Variants in INPP5B observed in about 807,000 individuals in gnomAD.
INPP5B encodes the protein inositol polyphosphate-5-phosphatase B.
In INPP5B, 90 loss-of-function variants were observed where a neutral mutation model predicts 118.5. That is an observed-to-expected ratio of 0.76 (90% CI 0.64 to 0.90). The LOEUF (loss-of-function observed/expected upper bound fraction) is 0.90, where lower values mean the gene tolerates loss of function less well. Ranked by LOEUF, INPP5B falls within the 40% of genes least tolerant of loss-of-function variation. The pLI, the probability that INPP5B is intolerant of heterozygous loss-of-function variation, is 0.00. For synonymous variants in INPP5B, 385 were observed against 418.9 expected, an observed-to-expected ratio of 0.92 and a Z score of 0.99; for missense variants, 984 against 1,125.6, an observed-to-expected ratio of 0.87 and a Z score of 1.80.
intron 7 of INPP5B, among the ~76,000 whole-genome samples, chr1:37,927,863 A>T (rs1221456043): frequency 1.3e-5 from 2 of 152,052 alleles, no homozygotes; most frequent in African/African-American, 4.8e-5. Context: ...ATCTCTACCA[A>T]GCTCAGCCTA....
In INPP5B at chr1:37,887,427, A is replaced by C. The variant is rs1452328369; in HGVS notation, c.938T>G (p.Phe313Cys). Residue 313 changes from phenylalanine (F) to cysteine (C), a missense_variant, in exon 11 of 24, where the codon TTT becomes TGT. Phe to Cys is a radical substitution (Grantham distance 205). Around this residue, in one of 2 missense-constraint regions of INPP5B, gnomAD observed 634 missense variants for 791.0 expected, o/e 0.80. Transcript: ENST00000373024. Reference sequence around the variant, plus strand: ...CTCTTCCTCCTTTGGGGTATCGTGAAAGAAAAAAGCTTCCTTACTCAGATC... The same window carrying C: ...CTCTTCCTCCTTTGGGGTATCGTGACAGAAAAAAGCTTCCTTACTCAGATC... ...ELDLSKEAFFFHDTPKEEEWF... is the reference protein window; with the variant it reads ...ELDLSKEAFFCHDTPKEEEWF... The C allele has an allele frequency of 6.2e-7, 1 of 1,613,498 alleles. No homozygotes were observed. The highest frequency in any genetic ancestry group is 8.5e-7 in the Non-Finnish European group (1 of 1,179,732).
chr1:37,932,662 C>T (rs1270287288), intron 6 of INPP5B, among the ~76,000 whole-genome samples: 2 of 152,118 alleles, frequency 1.3e-5, no homozygotes, highest in African/African-American at 4.8e-5. Context: ...CCACCACCCC[C>T]GGCCTATTAT....
chr1:37,888,238 C>G lies in INPP5B; in HGVS notation c.899+5G>C. 6.7e-7 allele frequency: 1 copy of G among 1,500,666 alleles called. No homozygotes were observed. The highest frequency in any genetic ancestry group is 2.6e-5 in the East Asian group (1 of 39,008). 93.0% of individuals were successfully genotyped at this position (1,500,666 alleles called of 1,614,324 possible). A position where few individuals can be genotyped will look rare whatever the true frequency, so the allele number is the denominator to read the frequency against. On this transcript the variant is annotated splice_donor_5th_base_variant and intron_variant, in intron 10 of 23. Coordinates refer to ENST00000373024, the MANE Select transcript of INPP5B (RefSeq NM_005540.3). ...TGGAGAGGGGACTAGAAGAGAAGCA[C>G]TCACCCTACACAATAGACATCTGGG...
At chr1:37,898,644 G>C (rs1376324794) in intron 7 of INPP5B, among the ~76,000 whole-genome samples, 1 of 151,258 alleles carries the variant, frequency 6.6e-6, no homozygotes, top group Non-Finnish European at 1.5e-5. Context: ...GCAGTGAGCC[G>C]AGATCGCGCC....
chr1:37,885,488 C>A, intron 13 of INPP5B, 150 bp downstream of exon 13: 1 of 559,722 alleles, frequency 1.8e-6, no homozygotes, highest in Non-Finnish European at 3.1e-6. Context: ...TAAATATTTT[C>A]AAGAGATATA....
At chr1:37,942,887 T>C (rs377246775) in intron 5 of INPP5B, among the ~76,000 whole-genome samples, 1 of 137,268 alleles carries the variant, frequency 7.3e-6, no homozygotes, top group Non-Finnish European at 1.5e-5. Context: ...CCAGCCTGGG[T>C]GACAGAGTGA....
At chr1:37,900,243 A>G (rs1418864455) in intron 7 of INPP5B, among the ~76,000 whole-genome samples, 1 of 148,442 alleles carries the variant, frequency 6.7e-6, no homozygotes, top group Non-Finnish European at 1.5e-5. Flanking sequence ...CACCACACCC[A>G]GCTAATTTTT....
chr1:37,863,388 G>A (rs962325483), intron 23 of INPP5B, among the ~76,000 whole-genome samples: 2 of 152,040 alleles, frequency 1.3e-5, no homozygotes, highest in African/African-American at 2.4e-5. Flanking sequence ...GGTGGTGCGC[G>A]CCTGTAGTCC....
At chr1:37,916,225 C>T (rs574334088) in intron 7 of INPP5B, among the ~76,000 whole-genome samples, 1 of 151,894 alleles carries the variant, frequency 6.6e-6, no homozygotes, top group South Asian at 2.1e-4. Flanking sequence ...TCCCAAGTAG[C>T]TAGGATTACA....
At position 37,862,218 on chromosome 1, in the gene INPP5B, C is replaced by A; in HGVS notation, c.*97G>T. 1 of 771,230 alleles carries A rather than the reference C, an allele frequency of 1.3e-6. No individual in the cohort carries two copies. The highest frequency in any genetic ancestry group is 1.6e-5 in the South Asian group (1 of 63,404). The allele number at this position is 771,230 out of a possible 1,614,324, so 47.8% of individuals were successfully genotyped here. On this transcript the variant is annotated 3_prime_UTR_variant, in exon 24 of 24. Transcript: ENST00000373024. ...AGGAAATAGCTGCCATTCTTGCTAC[C>A]AAGTGGCCTCACATAATTATCTTAA... is the stretch of plus-strand genomic sequence containing the variant.
At position 37,911,551 on chromosome 1, in the gene INPP5B, A is replaced by G. The variant is rs369252768; in HGVS notation, c.533-20097T>C. 2.0e-5 allele frequency among the ~76,000 whole-genome samples: 3 copies of G among 152,074 alleles called. No individual in the cohort carries two copies. In the South Asian group the frequency reaches 6.2e-4, roughly 32 times the overall value. On this transcript the variant is annotated intron_variant, in intron 7 of 23. Transcript: ENST00000373024. ...CTATGCTATAGTATCTTTCACATCT[A>G]TCATTGAGGCTACCACTCTGACCCC... is the stretch of plus-strand genomic sequence containing the variant.
At chr1:37,878,019 A>T (rs1055478637) in intron 16 of INPP5B, among the ~76,000 whole-genome samples, 169 bp downstream of exon 16, 1 of 152,258 alleles carries the variant, frequency 6.6e-6, no homozygotes, top group African/African-American at 2.4e-5. Context: ...ATGCAGAGGC[A>T]TACTAAAACA....
At chr1:37,864,445 T>C (rs1219574101) in intron 22 of INPP5B, 22 bp from the exon 23 acceptor site, 1 of 1,394,290 alleles carries the variant, frequency 7.2e-7, no homozygotes, top group Non-Finnish European at 1.0e-6. Flanking sequence ...AGAACCGGGA[T>C]TTGTCTTTTG....
chr1:37,879,964 G>A, intron 15 of INPP5B, 121 bp downstream of exon 15: 1 of 554,708 alleles, frequency 1.8e-6, no homozygotes, highest in Non-Finnish European at 3.2e-6. Flanking sequence ...TGATCAGAGT[G>A]CAAAACATAG....
At chr1:37,931,716 C>T (rs767407228) in intron 7 of INPP5B, 197 bp downstream of exon 7, 19 of 1,555,600 alleles carry the variant, frequency 1.2e-5, no homozygotes, top group Non-Finnish European at 3.5e-6. Context: ...CAGACATTTC[C>T]CTGCCTGCTT....
intron 7 of INPP5B, among the ~76,000 whole-genome samples, chr1:37,927,638 G>A (rs1269389392): frequency 3.3e-5 from 5 of 150,542 alleles, no homozygotes; most frequent in African/African-American, 7.3e-5. Flanking sequence ...CCAAGTTCAC[G>A]CCATTCTCCT....
At chr1:37,928,498 A>G (rs1220220494) in intron 7 of INPP5B, 1 of 152,408 alleles carries the variant, frequency 6.6e-6, no homozygotes, top group African/African-American at 2.4e-5. Flanking sequence ...AGCTGGGACT[A>G]TAAGCGCACA....
At chr1:37,912,719 G>A (rs186406630) in intron 7 of INPP5B, among the ~76,000 whole-genome samples, 10 of 151,868 alleles carry the variant, frequency 6.6e-5, no homozygotes, top group Admixed American at 6.6e-4. Flanking sequence ...TTGCTGACAG[G>A]GCACCCTCCG....
At chr1:37,877,428 T>A (rs1288636589) in intron 16 of INPP5B, among the ~76,000 whole-genome samples, 1 of 152,080 alleles carries the variant, frequency 6.6e-6, no homozygotes, top group Admixed American at 6.5e-5. Context: ...ATAAAATATC[T>A]GCTTATTGGG....
Sources: gnomAD v4.1 joint callset for allele counts (sites outside exome capture counted in the v4.1 genomes callset) on GRCh38, gnomAD v4.1.1 for gene constraint, gnomAD v4.1.1 regional missense constraint, MANE v1.5 for transcripts, NCBI Gene and HGNC (gene_info 2026-07-23, HGNC 2026-07-21) for gene names.